Variants in ULK4 observed in about 807,000 individuals in gnomAD.
ULK4 encodes the protein inactive serine/threonine-protein kinase ULK4.
In ULK4, 133 loss-of-function variants were observed where a neutral mutation model predicts 160.6. The ratio of observed to expected loss-of-function variants is 0.83; its 90% CI spans 0.72 to 0.96. The LOEUF (loss-of-function observed/expected upper bound fraction) is 0.96, where lower values mean the gene tolerates loss of function less well. Among genes scored for constraint, ULK4 ranks in the 40% least tolerant of loss-of-function variants. The probability of loss-of-function intolerance (pLI) is 0.00; values close to 1 mark genes in which losing one functional copy is unlikely to be tolerated. For synonymous variants in ULK4, 534 were observed against 539.8 expected (o/e 0.99, Z 0.15); for missense variants, 1,580 against 1,499.5 (o/e 1.05, Z -0.89).
In ULK4 at chr3:41,537,693, C is replaced by T. The variant is rs763678955; in HGVS notation, c.3226+28332G>A. Among the ~76,000 whole-genome samples, 83 of 152,294 alleles carry T rather than the reference C, an allele frequency of 5.4e-4. 1 individual carries two copies. Among genetic ancestry groups the T allele is most frequent in the Non-Finnish European group, 1.6e-4 (11 of 68,022 alleles). On this transcript the variant is annotated intron_variant, in intron 32 of 36. Transcript: ENST00000301831. Reference sequence around the variant, plus strand: ...TCCAGAAATAAAATATCATTGGGATCAATCCAGAAAAAGTGTTCTCATTGT... The same window carrying T: ...TCCAGAAATAAAATATCATTGGGATTAATCCAGAAAAAGTGTTCTCATTGT...
chr3:41,493,897 A>T (rs2084889698), intron 32 of ULK4, among the ~76,000 whole-genome samples: 1 of 148,792 alleles, frequency 6.7e-6, no homozygotes, highest in African/African-American at 2.5e-5. Flanking sequence ...TGAATCTCTG[A>T]ATAGACCAAT....
intron 20 of ULK4, among the ~76,000 whole-genome samples, chr3:41,794,660 CAAAAAAA>C (rs71075484): frequency 0.034 from 653 of 18,960 alleles, 13 homozygotes; most frequent in East Asian, 0.098. Flanking sequence ...GACTCTGTCT[CAAAAAAA>C]AAAAAAAAAA....
chr3:41,776,569 A>T (rs933600202), intron 21 of ULK4, among the ~76,000 whole-genome samples: 2 of 148,640 alleles, frequency 1.3e-5, no homozygotes, highest in African/African-American at 2.5e-5. Flanking sequence ...AGGTAAGTTT[A>T]AAAAGGTACA....
At chr3:41,823,961 A>G (rs2041241463) in intron 18 of ULK4, among the ~76,000 whole-genome samples, 1 of 152,138 alleles carries the variant, frequency 6.6e-6, no homozygotes, top group South Asian at 2.1e-4. Context: ...TCAGGAGTTC[A>G]AGACCAGTCT....
intron 21 of ULK4, among the ~76,000 whole-genome samples, chr3:41,775,504 T>C (rs1279891351): frequency 6.7e-6 from 1 of 150,012 alleles, no homozygotes; most frequent in Non-Finnish European, 1.5e-5. Context: ...TTTCAAGCGA[T>C]TCTCCTGCCT....
intron 31 of ULK4, among the ~76,000 whole-genome samples, chr3:41,589,653 G>A (rs2031128373): frequency 6.6e-6 from 1 of 151,976 alleles, no homozygotes; most frequent in South Asian, 2.1e-4. Context: ...TTCTAAATAT[G>A]CCTTAAAAAA....
At chr3:41,824,938 C>G (rs1290654008) in intron 18 of ULK4, among the ~76,000 whole-genome samples, 2 of 152,198 alleles carry the variant, frequency 1.3e-5, no homozygotes, top group African/African-American at 4.8e-5. Context: ...TGACACCTCA[C>G]AGGGCTGGGT....
At chr3:41,905,940 G>A (rs772670257) in intron 12 of ULK4, among the ~76,000 whole-genome samples, 10 of 152,230 alleles carry the variant, frequency 6.6e-5, no homozygotes, top group Non-Finnish European at 1.2e-4. Flanking sequence ...CAGGTGGGCC[G>A]GGCACGGTGG....
chr3:41,773,675 C>T (rs1402300721), intron 21 of ULK4, among the ~76,000 whole-genome samples: 1 of 152,054 alleles, frequency 6.6e-6, no homozygotes, highest in African/African-American at 2.4e-5. Flanking sequence ...CAATGCCATA[C>T]CCATCAAGCT....
intron 34 of ULK4, among the ~76,000 whole-genome samples, chr3:41,432,515 A>G (rs1321353096): frequency 1.3e-5 from 2 of 152,074 alleles, no homozygotes; most frequent in Non-Finnish European, 2.9e-5. Context: ...GGAAGCCACT[A>G]CTCACCCCCA....
At chr3:41,500,048 G>A (rs972128871) in intron 32 of ULK4, among the ~76,000 whole-genome samples, 2 of 151,614 alleles carry the variant, frequency 1.3e-5, no homozygotes, top group Non-Finnish European at 2.9e-5. Context: ...TCTTAATACT[G>A]TTTATTTGTA....
chr3:41,479,035 T>C (rs1465711135), intron 32 of ULK4, among the ~76,000 whole-genome samples: 2 of 152,034 alleles, frequency 1.3e-5, no homozygotes, highest in Admixed American at 1.3e-4. Flanking sequence ...GGGGTGGGGG[T>C]GATCCCTCAT....
chr3:41,744,934 G>A (rs751263056), intron 22 of ULK4, among the ~76,000 whole-genome samples: 25 of 151,562 alleles, frequency 1.6e-4, no homozygotes, highest in Non-Finnish European at 3.4e-4. Flanking sequence ...TAAATATGTG[G>A]AAATTAAATA....
At chr3:41,416,803 G>A (rs1201277205) in intron 34 of ULK4, among the ~76,000 whole-genome samples, 4 of 152,156 alleles carry the variant, frequency 2.6e-5, no homozygotes, top group Admixed American at 2.6e-4. Flanking sequence ...TACCCAGGAG[G>A]AAAAGGAGGG....
At chr3:41,908,399 C>A (rs1053262589) in intron 11 of ULK4, among the ~76,000 whole-genome samples, 4 of 152,226 alleles carry the variant, frequency 2.6e-5, no homozygotes, top group Non-Finnish European at 4.4e-5. Context: ...GCCTGCCATA[C>A]CGTATGGGCC....
intron 35 of ULK4, among the ~76,000 whole-genome samples, chr3:41,344,752 C>CAAAAAAAAA (rs59466358): frequency 3.2e-5 from 2 of 62,818 alleles, no homozygotes; most frequent in Non-Finnish European, 3.1e-5. Flanking sequence ...GACTCTGTCT[C>CAAAAAAAAA]AAAAAAAAAA....
chr3:41,423,391 G>A (rs2082703278), intron 34 of ULK4, among the ~76,000 whole-genome samples: 1 of 152,116 alleles, frequency 6.6e-6, no homozygotes, highest in Non-Finnish European at 1.5e-5. Flanking sequence ...TAGGCATCCT[G>A]TGTAATAACC....
In ULK4 at chr3:41,705,179, G is replaced by A. The variant is rs906605750; in HGVS notation, c.2687-28C>T. ...AGAAATACAGTTAATTATTATAGGT[G>A]TTTATTTACATGTTCTAAATCATAA... On this transcript the variant is annotated intron_variant, in intron 26 of 36. Coordinates refer to ENST00000301831, the MANE Select transcript of ULK4 (RefSeq NM_017886.4). The A allele has an allele frequency of 4.4e-6, 7 of 1,606,882 alleles. No homozygotes were observed. The Admixed American group carries it at 5.0e-5, about 12-fold the overall frequency.
chr3:41,732,277 GA>G lies in ULK4; in HGVS notation c.2322-14417del, dbSNP rs555595006. 4.7e-5 allele frequency among the ~76,000 whole-genome samples: 7 copies of G among 150,014 alleles called. No homozygotes were observed. In the East Asian group the frequency reaches 7.8e-4, roughly 17 times the overall value. The stretch of plus-strand genomic sequence containing the variant: ...TAAAGAATTCAACTCAATAGCAAAA[GA>G]AAAAAAAATCTGCTAAGAAATGAGC... On this transcript the variant is annotated intron_variant, in intron 22 of 36. Transcript: ENST00000301831.
Sources: allele counts gnomAD v4.1 joint callset (sites outside exome capture counted in the v4.1 genomes callset), GRCh38; gene constraint gnomAD v4.1.1; transcripts MANE v1.5; gene names NCBI Gene and HGNC (gene_info 2026-07-23, HGNC 2026-07-21).